AGBL1: variants seen among roughly 807,000 people sequenced by gnomAD.
AGBL1 encodes AGBL carboxypeptidase 1, also known as cytosolic carboxypeptidase 4.
AGBL1 carries 130 observed loss-of-function variants against 118.9 expected under a neutral mutation model. That is an observed-to-expected ratio of 1.09 (90% CI 0.95 to 1.26). The LOEUF (loss-of-function observed/expected upper bound fraction) is 1.26. Ranked by LOEUF, AGBL1 falls within the 50% of genes most tolerant of loss-of-function variation. The probability of loss-of-function intolerance (pLI) is 0.00; values close to 1 mark genes in which losing one functional copy is unlikely to be tolerated. For missense variants in AGBL1, 1,584 were observed against 1,298.1 expected, an observed-to-expected ratio of 1.22 and a Z score of -3.38; for synonymous variants, 555 against 478.9, an observed-to-expected ratio of 1.16 and a Z score of -2.08.
chr15:86,757,023 G>T (rs1431868113), intron 22 of AGBL1, among the ~76,000 whole-genome samples: 1 of 150,954 alleles, frequency 6.6e-6, no homozygotes, highest in African/African-American at 2.4e-5. Context: ...GATCCCCAGA[G>T]ACTGTCATAT....
intron 18 of AGBL1, among the ~76,000 whole-genome samples, chr15:86,487,901 C>T (rs1458527236): frequency 1.3e-5 from 2 of 152,222 alleles, no homozygotes; most frequent in East Asian, 3.9e-4. Context: ...GTCTGCAGGG[C>T]ATGCCTGTTT....
At chr15:86,956,263 T>TA (rs1567258330) in intron 23 of AGBL1, among the ~76,000 whole-genome samples, 9 of 137,142 alleles carry the variant, frequency 6.6e-5, no homozygotes, top group African/African-American at 2.4e-4. Context: ...ATAGATAGAT[T>TA]AGATAGATGA....
intron 22 of AGBL1, among the ~76,000 whole-genome samples, chr15:86,830,371 T>C (rs74841654): frequency 6.6e-6 from 1 of 151,632 alleles, no homozygotes; most frequent in African/African-American, 2.4e-5. Context: ...TTATTTTTTT[T>C]AAAAAAAACA....
chr15:86,846,229 G>A (rs753081217), intron 22 of AGBL1, among the ~76,000 whole-genome samples: 6 of 152,086 alleles, frequency 3.9e-5, no homozygotes, highest in South Asian at 2.1e-4. Flanking sequence ...AGCTTTGATT[G>A]TCTGGCAATG....
At chr15:86,133,869 C>T (rs2076851125) in intron 1 of AGBL1, among the ~76,000 whole-genome samples, 1 of 152,158 alleles carries the variant, frequency 6.6e-6, no homozygotes, top group African/African-American at 2.4e-5. Context: ...TATATCTTAA[C>T]ATTTTGTTAC....
At chr15:86,686,543 T>C (rs765991970) in intron 22 of AGBL1, among the ~76,000 whole-genome samples, 17 of 150,890 alleles carry the variant, frequency 1.1e-4, no homozygotes, top group Non-Finnish European at 1.8e-4. Context: ...GTTCAAGTGA[T>C]TCTCCTGCCT....
At chr15:86,539,317 C>A (rs891273955) in intron 19 of AGBL1, among the ~76,000 whole-genome samples, 1 of 152,178 alleles carries the variant, frequency 6.6e-6, no homozygotes, top group African/African-American at 2.4e-5. Flanking sequence ...CCTTTCTTAG[C>A]CTCTAAATCC....
chr15:86,884,748 G>A (rs1277255846), intron 22 of AGBL1, among the ~76,000 whole-genome samples: 1 of 152,190 alleles, frequency 6.6e-6, no homozygotes, highest in East Asian at 1.9e-4. Flanking sequence ...GGAAGCAGAG[G>A]CTGGAGTGAG....
intron 5 of AGBL1, among the ~76,000 whole-genome samples, chr15:86,174,372 A>G (rs930207188): frequency 4.6e-5 from 7 of 152,092 alleles, no homozygotes; most frequent in African/African-American, 1.7e-4. Context: ...TCTAAATATA[A>G]TAAGATCACG....
chr15:86,871,157 T>G (rs947509897), intron 22 of AGBL1, among the ~76,000 whole-genome samples: 1 of 152,198 alleles, frequency 6.6e-6, no homozygotes, highest in Non-Finnish European at 1.5e-5. Context: ...TCATTTTGCT[T>G]CCTTTCTTCC....
chr15:86,281,768 G>A (rs1165576248), intron 16 of AGBL1, among the ~76,000 whole-genome samples: 4 of 152,100 alleles, frequency 2.6e-5, no homozygotes, highest in African/African-American at 9.7e-5. Flanking sequence ...TTCTGCCCTG[G>A]GGTCAGATTA....
At chr15:86,171,711 A>C (rs768203138) in intron 5 of AGBL1, among the ~76,000 whole-genome samples, 2 of 152,172 alleles carry the variant, frequency 1.3e-5, no homozygotes, top group Non-Finnish European at 2.9e-5. Context: ...CAAATATATA[A>C]TCATATTGAT....
intron 18 of AGBL1, among the ~76,000 whole-genome samples, chr15:86,441,200 T>G (rs1307114785): frequency 6.6e-6 from 1 of 152,140 alleles, no homozygotes; most frequent in African/African-American, 2.4e-5. Flanking sequence ...TAGCCCTGAG[T>G]GATGGTTATT....
At chr15:86,166,326 G>C (rs1237486026) in intron 5 of AGBL1, among the ~76,000 whole-genome samples, 1 of 152,196 alleles carries the variant, frequency 6.6e-6, no homozygotes, top group African/African-American at 2.4e-5. Context: ...AGTGTATGAG[G>C]AAGGCCTTGC....
At position 86,122,167 on chromosome 15, in the gene AGBL1, C is replaced by A. The variant is rs534630459; in HGVS notation, c.52-19837C>A. Among the ~76,000 whole-genome samples, 43 of 152,302 alleles carry A rather than the reference C, an allele frequency of 2.8e-4. 1 individual carries two copies. Among genetic ancestry groups the A allele is most frequent in the Admixed American group, 1.2e-3 (19 of 15,296 alleles). ...TGATGGAAAATAGTCATTGGAGCAA[C>A]AGGATATTGTCCATTTCCCGACATG... On this transcript the variant is annotated intron_variant, in intron 1 of 22. Transcript: ENST00000614907.
intron 18 of AGBL1, among the ~76,000 whole-genome samples, chr15:86,492,415 C>A (rs2082792726): frequency 6.6e-6 from 1 of 151,734 alleles, no homozygotes; most frequent in South Asian, 2.1e-4. Context: ...CATGGTGAAA[C>A]CTCATCCCTA....
intron 22 of AGBL1, among the ~76,000 whole-genome samples, chr15:86,818,194 C>T (rs979422197): frequency 1.3e-5 from 2 of 152,110 alleles, no homozygotes; most frequent in Non-Finnish European, 2.9e-5. Flanking sequence ...TATAAGATAA[C>T]ACATTTAACA....
chr15:86,884,832 G>A (rs1336531416), intron 22 of AGBL1, among the ~76,000 whole-genome samples: 1 of 150,244 alleles, frequency 6.7e-6, no homozygotes, highest in Non-Finnish European at 1.5e-5. Flanking sequence ...AAACTATAAA[G>A]CAATGCCATT....
At chr15:86,353,220 G>A (rs1348755667) in intron 17 of AGBL1, among the ~76,000 whole-genome samples, 1 of 152,170 alleles carries the variant, frequency 6.6e-6, no homozygotes, top group Non-Finnish European at 1.5e-5. Context: ...TTGGCTTTGG[G>A]CTATCAGAAA....
Sources: allele counts gnomAD v4.1 joint callset (sites outside exome capture counted in the v4.1 genomes callset), GRCh38; gene constraint gnomAD v4.1.1; transcripts MANE v1.5; gene names NCBI Gene and HGNC (gene_info 2026-07-23, HGNC 2026-07-21).